Variants in SPMIP4 observed in about 807,000 individuals in gnomAD.
SPMIP4 encodes sperm-associated microtubule inner protein 4.
At chr7:25,155,057 G>T in the SPMIP4 span, 1 of 1,613,974 alleles carries the variant, frequency 6.2e-7, no homozygotes, top group African/African-American at 1.3e-5. Flanking sequence ...TTGGCACCGT[G>T]GGAGGAAAGG....
chr7:25,154,600 A>G, the SPMIP4 span, among the ~76,000 whole-genome samples: 16 of 152,148 alleles, frequency 1.1e-4, no homozygotes, highest in Non-Finnish European at 1.6e-4. Context: ...CAATTCTATC[A>G]CTGCTGCATC....
the SPMIP4 span, among the ~76,000 whole-genome samples, chr7:25,157,739 A>G: frequency 6.6e-6 from 1 of 152,204 alleles, no homozygotes; most frequent in Admixed American, 6.5e-5. Context: ...ACTGAATGTA[A>G]TGCGGTACTC....
At chr7:25,152,346 C>T in the SPMIP4 span, among the ~76,000 whole-genome samples, 2 of 152,200 alleles carry the variant, frequency 1.3e-5, no homozygotes, top group African/African-American at 2.4e-5. Flanking sequence ...CTTTACCAAA[C>T]AGCATGGCTC....
chr7:25,155,139 C>T, the SPMIP4 span: 53 of 1,610,634 alleles, frequency 3.3e-5, no homozygotes, highest in South Asian at 2.2e-4. Context: ...CATGGCGCCG[C>T]GACAGATGTG....
the SPMIP4 span, among the ~76,000 whole-genome samples, chr7:25,149,047 G>C: frequency 6.6e-6 from 1 of 152,164 alleles, no homozygotes; most frequent in Non-Finnish European, 1.5e-5. Flanking sequence ...GGCTGCCTTT[G>C]ATTGGCCAAA....
the SPMIP4 span, among the ~76,000 whole-genome samples, chr7:25,133,129 G>A: frequency 1.3e-5 from 2 of 152,188 alleles, no homozygotes; most frequent in Non-Finnish European, 2.9e-5. Context: ...CTTGTTCAGT[G>A]GTTTAGAGGA....
At chr7:25,179,935 T>G in the SPMIP4 span, 2 of 152,424 alleles carry the variant, frequency 1.3e-5, no homozygotes, top group African/African-American at 2.4e-5. Context: ...GGGCTGTCAC[T>G]GCCCTGCAAG....
the SPMIP4 span, among the ~76,000 whole-genome samples, chr7:25,141,527 G>C: frequency 2.8e-5 from 4 of 144,654 alleles, no homozygotes; most frequent in Admixed American, 2.8e-4. Context: ...AGCTGAGATC[G>C]TGCCACCGTA....
the SPMIP4 span, among the ~76,000 whole-genome samples, chr7:25,156,933 T>C: frequency 3.3e-5 from 5 of 152,172 alleles, no homozygotes; most frequent in East Asian, 9.7e-4. Flanking sequence ...GTGATCCACC[T>C]GCCTCGGCCT....
At chr7:25,168,275 G>C in the SPMIP4 span, 4 of 1,587,998 alleles carry the variant, frequency 2.5e-6, no homozygotes, top group East Asian at 4.6e-5. Flanking sequence ...GTGAATGGCA[G>C]AAAGTTTATT....
the SPMIP4 span, among the ~76,000 whole-genome samples, chr7:25,146,047 C>T: frequency 6.6e-6 from 1 of 152,124 alleles, no homozygotes; most frequent in Admixed American, 6.5e-5. Context: ...TTTGGGAATA[C>T]TGGTTCTTTA....
chr7:25,175,634 T>G, the SPMIP4 span, among the ~76,000 whole-genome samples: 1 of 152,180 alleles, frequency 6.6e-6, no homozygotes, highest in Non-Finnish European at 1.5e-5. Flanking sequence ...TTTAGAAAAT[T>G]AAGCTGCTGA....
At chr7:25,164,198 G>C in the SPMIP4 span, among the ~76,000 whole-genome samples, 1 of 152,142 alleles carries the variant, frequency 6.6e-6, no homozygotes, top group African/African-American at 2.4e-5. Flanking sequence ...GGTTACACTT[G>C]AGAAAATTTG....
At chr7:25,150,578 T>C in the SPMIP4 span, among the ~76,000 whole-genome samples, 4 of 152,354 alleles carry the variant, frequency 2.6e-5, no homozygotes, top group South Asian at 2.1e-4. Flanking sequence ...AGATAATATA[T>C]GGAGAACACT....
At chr7:25,168,889 G>A in the SPMIP4 span, among the ~76,000 whole-genome samples, 3 of 151,774 alleles carry the variant, frequency 2.0e-5, no homozygotes, top group South Asian at 6.3e-4. Context: ...TCACACCCGG[G>A]TAATTTTTGC....
chr7:25,130,557 G>T, the SPMIP4 span, among the ~76,000 whole-genome samples: 1 of 151,974 alleles, frequency 6.6e-6, no homozygotes, highest in African/African-American at 2.4e-5. Flanking sequence ...CAGATGTTCC[G>T]CCCACGTCAG....
At chr7:25,156,149 A>C in the SPMIP4 span, among the ~76,000 whole-genome samples, 1 of 152,226 alleles carries the variant, frequency 6.6e-6, no homozygotes, top group East Asian at 1.9e-4. Flanking sequence ...GGACACAGAC[A>C]AACACCTGAG....
At chr7:25,129,359 C>T in the SPMIP4 span, among the ~76,000 whole-genome samples, 15 of 152,180 alleles carry the variant, frequency 9.9e-5, no homozygotes, top group Admixed American at 8.5e-4. Context: ...TCTACATGCT[C>T]CCTCTGGGCA....
At chr7:25,150,290 G>T in the SPMIP4 span, among the ~76,000 whole-genome samples, 3 of 152,292 alleles carry the variant, frequency 2.0e-5, no homozygotes, top group African/African-American at 7.2e-5. Flanking sequence ...GTAATGATAG[G>T]ATGGGTTCTA....
Sources: allele counts gnomAD v4.1 joint callset (sites outside exome capture counted in the v4.1 genomes callset), GRCh38; gene constraint gnomAD v4.1.1; transcripts MANE v1.5; gene names NCBI Gene and HGNC (gene_info 2026-07-23, HGNC 2026-07-21).